PROC: variants seen among roughly 807,000 people sequenced by gnomAD.
PROC encodes vitamin K-dependent protein C.
A neutral mutation model predicts 36.3 loss-of-function variants in PROC; 22 were observed. The ratio of observed to expected loss-of-function variants is 0.61; its 90% CI spans 0.43 to 0.86. The LOEUF is 0.86. PROC is among the 40% of genes least tolerant of loss of function. PROC has a pLI of 0.00. For missense variants in PROC, 526 were observed against 629.7 expected, an observed-to-expected ratio of 0.84 and a Z score of 1.76; for synonymous variants, 218 against 244.5, an observed-to-expected ratio of 0.89 and a Z score of 1.01.
intron 1 of PROC, 99 bp from the exon 2 acceptor site, chr2:127,419,823 A>G (rs1272398640): frequency 6.3e-7 from 1 of 1,594,322 alleles, no homozygotes; most frequent in Non-Finnish European, 8.5e-7. Context: ...CCTGACGGCC[A>G]GCACACAGGG....
intron 6 of PROC, 152 bp downstream of exon 6, chr2:127,423,560 A>G: frequency 9.9e-7 from 1 of 1,013,422 alleles, no homozygotes; most frequent in Non-Finnish European, 1.4e-6. Context: ...ACGCGCCCCA[A>G]CACCGGGGCC....
chr2:127,428,214 G>A (rs1007657149), intron 8 of PROC, 143 bp from the exon 9 acceptor site: 7 of 796,744 alleles, frequency 8.8e-6, no homozygotes, highest in African/African-American at 3.4e-5. Context: ...TGCCTGGGAC[G>A]TGTGGGTGCA....
In PROC at chr2:127,423,153, G is replaced by A; in HGVS notation, c.382G>A (p.Gly128Ser). The stretch of plus-strand genomic sequence containing the variant: ...CTGCGACTGCCGCAGCGGCTGGGAG[G>A]GCCGCTTCTGCCAGCGCGGTGAGGG... ...FSCDCRSGWEGRFCQREVSFL... is the reference protein window; with the variant it reads ...FSCDCRSGWESRFCQREVSFL... The change falls in exon 5 of 9, where the codon GGC (glycine) becomes AGC (serine). Residue 128 changes from glycine to serine, a missense_variant. Physicochemically the swap from Gly to Ser is moderately conservative, Grantham distance 56 (BLOSUM62 0). Transcript: ENST00000234071. 6.3e-7 allele frequency: 1 copy of A among 1,596,378 alleles called. No homozygotes were observed. Among genetic ancestry groups the A allele is most frequent in the South Asian group, 1.1e-5 (1 of 89,558 alleles).
Position 127,423,018 on chromosome 2 carries a change from C to A in PROC, c.263-16C>A. On this transcript the variant is annotated splice_polypyrimidine_tract_variant and intron_variant, in intron 4 of 8. Coordinates refer to ENST00000234071, the MANE Select transcript of PROC (RefSeq NM_000312.4). Reference sequence around the variant, plus strand: ...GATCTCTGGCCGCTGACCCCCTACCCCGCCTTGTGTCGCAGACGGTGACCA... The same window carrying A: ...GATCTCTGGCCGCTGACCCCCTACCACGCCTTGTGTCGCAGACGGTGACCA... 1 of 1,612,566 alleles carries A rather than the reference C, an allele frequency of 6.2e-7. No homozygotes were observed. Among genetic ancestry groups the A allele is most frequent in the East Asian group, 2.2e-5 (1 of 44,866 alleles).
chr2:127,421,096 C>A (rs1398185228), intron 2 of PROC, among the ~76,000 whole-genome samples, 187 bp from the exon 3 acceptor site: 1 of 152,160 alleles, frequency 6.6e-6, no homozygotes, highest in Non-Finnish European at 1.5e-5. Context: ...CTGCCATCTG[C>A]TTCCTGGGGA....
At chr2:127,421,970 T>C (rs1573438986) in intron 3 of PROC, among the ~76,000 whole-genome samples, 1 of 152,324 alleles carries the variant, frequency 6.6e-6, no homozygotes, top group African/African-American at 2.4e-5. Context: ...CCCAGAGTCC[T>C]GTGGACGTGG....
chr2:127,423,561 C>A, intron 6 of PROC, 153 bp downstream of exon 6: 1 of 986,436 alleles, frequency 1.0e-6, no homozygotes, highest in Non-Finnish European at 1.4e-6. Flanking sequence ...CGCGCCCCAA[C>A]ACCGGGGCCA....
Position 127,423,204 on chromosome 2 carries a change from G to A in PROC, c.400+33G>A, listed in dbSNP as rs759194129. 1.1e-5 allele frequency: 16 copies of A among 1,517,034 alleles called. No individual in the cohort carries two copies. The Admixed American group carries it at 1.7e-4, about 16-fold the overall frequency. The allele number at this position is 1,517,034 out of a possible 1,614,324, so 94.0% of individuals were successfully genotyped here. A position where few individuals can be genotyped will look rare whatever the true frequency, so the allele number is the denominator to read the frequency against. On this transcript the variant is annotated intron_variant, in intron 5 of 8. Transcript: ENST00000234071. Reference sequence around the variant, plus strand: ...GGAGAGGTGGATGCTGGCGGGCGGCGGGGCGGGGCTGGGGCCGGGTTGGGG... The same window carrying A: ...GGAGAGGTGGATGCTGGCGGGCGGCAGGGCGGGGCTGGGGCCGGGTTGGGG...
chr2:127,423,993 T>C (rs1477505021), intron 6 of PROC, among the ~76,000 whole-genome samples: 1 of 152,240 alleles, frequency 6.6e-6, no homozygotes. Context: ...TCATTCATTT[T>C]CATTAAAAGG....
rs1687971899 is a variant in PROC, at chr2:127,419,687, T to C, written c.-21-235T>C. ...GGAGGACACAAACATCCTGGCACCCTCTCCACTGCATTCTGGAGCTGCTTT... is the reference window on the plus strand; with the variant it reads ...GGAGGACACAAACATCCTGGCACCCCCTCCACTGCATTCTGGAGCTGCTTT... On this transcript the variant is annotated intron_variant, in intron 1 of 8. Transcript: ENST00000234071. The C allele has an allele frequency of 4.4e-6, 4 of 910,134 alleles. No homozygotes were observed. In the African/African-American group the frequency reaches 5.0e-5, roughly 11 times the overall value. 56.4% of individuals were successfully genotyped at this position (910,134 alleles called of 1,614,324 possible).
intron 8 of PROC, 142 bp from the exon 9 acceptor site, chr2:127,428,215 T>C (rs1688649764): frequency 3.7e-6 from 3 of 802,812 alleles, no homozygotes; most frequent in Non-Finnish European, 6.2e-6. Context: ...GCCTGGGACG[T>C]GTGGGTGCAC....
rs1688725169 is a variant in PROC at position 127,429,141 on chromosome 2, G to A, written c.*195G>A. ...GAATCTTAACTCCTAGAGCAACTCT[G>A]TGGGGTGGGGAGGAGCAGATCCAAG... On this transcript the variant is annotated 3_prime_UTR_variant, in exon 9 of 9. Coordinates refer to ENST00000234071, the MANE Select transcript of PROC (RefSeq NM_000312.4). 1 of 660,498 alleles carries A rather than the reference G, an allele frequency of 1.5e-6. No individual in the cohort carries two copies. The highest frequency in any genetic ancestry group is 1.8e-5 in the African/African-American group (1 of 55,130). 40.9% of individuals were successfully genotyped at this position (660,498 alleles called of 1,614,324 possible). A position where few individuals can be genotyped will look rare whatever the true frequency, so the allele number is the denominator to read the frequency against.
chr2:127,423,328 T>G lies in PROC; in HGVS notation c.455T>G (p.Leu152Arg), dbSNP rs1424512882. 6.5e-7 allele frequency: 1 copy of G among 1,550,200 alleles called. No homozygotes were observed. Among genetic ancestry groups the G allele is most frequent in the South Asian group, 1.2e-5 (1 of 84,080 alleles). ...AACGGCGGCTGCACGCATTACTGCC[T>G]AGAGGAGGTGGGCTGGCGGCGCTGT... ...LDNGGCTHYC[L>R]EEVGWRRCSC... is the part of the protein sequence containing the mutation. The change falls in exon 6 of 9, where the codon CTA becomes CGA. Residue 152 changes from leucine to arginine, a missense_variant. Transcript: ENST00000234071.
chr2:127,426,031 G>GGAAGTCTCGGGAGGAGT lies in PROC; in HGVS notation c.536-53_536-52insAAGTCTCGGGAGGAGTG. ...GGCTGGAGGAGGACCAAGACAGGAG[G>GGAAGTCTCGGGAGGAGT]GCAGTCTCGGGAGGAGTGCCTGGCA... is the stretch of plus-strand genomic sequence containing the variant. On this transcript the variant is annotated intron_variant, in intron 6 of 8. Transcript: ENST00000234071. This position sits in a 1 kb window ranked among gnomAD's most constrained non-coding sequence, Gnocchi z 7.0. 6.2e-7 allele frequency: 1 copy of GGAAGTCTCGGGAGGAGT among 1,611,592 alleles called. No individual in the cohort carries two copies. The highest frequency in any genetic ancestry group is 2.2e-5 in the East Asian group (1 of 44,848).
At chr2:127,425,800 A>G (rs1479891857) in intron 6 of PROC, among the ~76,000 whole-genome samples, 1 of 152,018 alleles carries the variant, frequency 6.6e-6, no homozygotes, top group Admixed American at 6.5e-5. Context: ...GGGTACAATG[A>G]GCCTTCAAGA....
chr2:127,423,552 G>A, intron 6 of PROC, 144 bp downstream of exon 6: 3 of 1,104,840 alleles, frequency 2.7e-6, no homozygotes, highest in African/African-American at 1.6e-5. Context: ...AGCGGCAGAC[G>A]CGCCCCAACA....
intron 7 of PROC, 67 bp from the exon 8 acceptor site, chr2:127,427,038 C>T: frequency 2.2e-6 from 3 of 1,384,744 alleles, no homozygotes; most frequent in Non-Finnish European, 3.1e-6. Context: ...CATATGAAAC[C>T]CAGGTGCCCT....
At position 127,428,797 on chromosome 2, in the gene PROC, A is replaced by G. The variant is rs572021052; in HGVS notation, c.1237A>G (p.Thr413Ala). Residue 413 changes from threonine (T) to alanine (A), a missense_variant, in exon 9 of 9, where the codon ACC (threonine) becomes GCC (alanine). Physicochemically the swap from Thr to Ala is moderately conservative, Grantham distance 58. Coordinates refer to ENST00000234071, the MANE Select transcript of PROC (RefSeq NM_000312.4). ...GCCCATGGTCGCCTCCTTCCACGGC[A>G]CCTGGTTCCTGGTGGGCCTGGTGAG... Reference protein sequence around the residue: ...GGPMVASFHGTWFLVGLVSWG... With the variant: ...GGPMVASFHGAWFLVGLVSWG... The G allele has an allele frequency of 2.2e-5, 36 of 1,612,096 alleles. No homozygotes were observed. Among genetic ancestry groups the G allele is most frequent in the Non-Finnish European group, 2.8e-5 (33 of 1,178,998 alleles).
chr2:127,421,487 G>A (rs1252847625), intron 3 of PROC, 38 bp downstream of exon 3: 1 of 1,611,916 alleles, frequency 6.2e-7, no homozygotes, highest in Non-Finnish European at 8.5e-7. Context: ...AGGCTCAGGG[G>A]CGAGCTGGTA....
Sources: gnomAD v4.1 joint callset for allele counts (sites outside exome capture counted in the v4.1 genomes callset) on GRCh38, gnomAD v4.1.1 for gene constraint, Gnocchi (gnomAD v3.1) non-coding constraint, MANE v1.5 for transcripts, NCBI Gene and HGNC (gene_info 2026-07-23, HGNC 2026-07-21) for gene names.